The following DOCK3 variants were observed in gnomAD, a reference collection of about 807,000 sequenced individuals.
DOCK3 encodes the protein dedicator of cytokinesis protein 3.
In DOCK3, 60 loss-of-function variants were observed where a neutral mutation model predicts 265.6. The observed-to-expected ratio is 0.23, with a 90% CI of 0.18 to 0.28. The LOEUF is 0.28. Ranked by LOEUF, DOCK3 falls within the 10% of genes least tolerant of loss-of-function variation. The pLI is 1.00. For synonymous variants in DOCK3, 881 were observed against 938.0 expected, an observed-to-expected ratio of 0.94 and a Z score of 1.11; for missense variants, 1,981 against 2,594.3, an observed-to-expected ratio of 0.76 and a Z score of 5.14.
At chr3:50,873,397 G>A (rs1417978288) in intron 3 of DOCK3, among the ~76,000 whole-genome samples, 1 of 152,174 alleles carries the variant, frequency 6.6e-6, no homozygotes, top group Non-Finnish European at 1.5e-5. Context: ...TTATCCTGCT[G>A]TGACTGAGCT....
At chr3:51,341,743 T>G (rs1203927571) in intron 38 of DOCK3, among the ~76,000 whole-genome samples, 1 of 152,238 alleles carries the variant, frequency 6.6e-6, no homozygotes, top group East Asian at 1.9e-4. Flanking sequence ...TCTGCTGCCA[T>G]ATAAAATATG....
At chr3:51,031,938 G>A (rs1459294509) in intron 5 of DOCK3, among the ~76,000 whole-genome samples, 1 of 152,112 alleles carries the variant, frequency 6.6e-6, no homozygotes, top group Non-Finnish European at 1.5e-5. Context: ...GTAGTGTACT[G>A]GTGCCCTGAT....
chr3:51,230,020 C>T (rs1280812148), intron 19 of DOCK3, among the ~76,000 whole-genome samples: 1 of 152,164 alleles, frequency 6.6e-6, no homozygotes, highest in African/African-American at 2.4e-5. Context: ...GCTTAATGTC[C>T]TCCAGTTGTA....
At chr3:50,941,099 G>A (rs2076280816) in intron 5 of DOCK3, among the ~76,000 whole-genome samples, 1 of 152,014 alleles carries the variant, frequency 6.6e-6, no homozygotes, top group African/African-American at 2.4e-5. Context: ...CAAAATTTTT[G>A]TTCTTGAATG....
At chr3:51,016,451 GAT>G (rs1330926929) in intron 5 of DOCK3, among the ~76,000 whole-genome samples, 2 of 66,284 alleles carry the variant, frequency 3.0e-5, no homozygotes, top group South Asian at 4.1e-4. Flanking sequence ...TTCTACATAT[GAT>G]ATATATATCA....
chr3:50,966,201 A>G (rs1476253894), intron 5 of DOCK3, among the ~76,000 whole-genome samples: 1 of 151,960 alleles, frequency 6.6e-6, no homozygotes, highest in African/African-American at 2.4e-5. Context: ...TATTCCACAT[A>G]TTTTCTTTAC....
At chr3:51,103,704 C>T (rs576109306) in intron 9 of DOCK3, among the ~76,000 whole-genome samples, 110 of 152,278 alleles carry the variant, frequency 7.2e-4, no homozygotes, top group African/African-American at 2.6e-3. Context: ...CCTTCAAGGA[C>T]TTAATATAAA....
chr3:50,739,711 A>G (rs1231008412), intron 1 of DOCK3, among the ~76,000 whole-genome samples: 1 of 152,048 alleles, frequency 6.6e-6, no homozygotes, highest in African/African-American at 2.4e-5. Context: ...TGGTTACTGC[A>G]CAGTCCTGGA....
chr3:51,257,841 C>G (rs1296276527), intron 22 of DOCK3, among the ~76,000 whole-genome samples: 4 of 152,210 alleles, frequency 2.6e-5, no homozygotes, highest in African/African-American at 9.6e-5. Flanking sequence ...TTCTATTCCA[C>G]TCCTCTGCCC....
At chr3:50,848,773 A>G (rs2046215087) in intron 3 of DOCK3, among the ~76,000 whole-genome samples, 1 of 151,762 alleles carries the variant, frequency 6.6e-6, no homozygotes, top group Admixed American at 6.6e-5. Context: ...TGCCTTGGTA[A>G]TTTTCATTTT....
At chr3:51,128,248 G>C (rs375934997) in intron 9 of DOCK3, among the ~76,000 whole-genome samples, 2 of 152,142 alleles carry the variant, frequency 1.3e-5, no homozygotes, top group East Asian at 3.9e-4. Context: ...TCTGCCCCTT[G>C]GTTCCTGGAC....
At chr3:51,360,480 T>A in intron 46 of DOCK3, 31 bp from the exon 47 acceptor site, 1 of 1,595,682 alleles carries the variant, frequency 6.3e-7, no homozygotes, top group Non-Finnish European at 8.5e-7. Flanking sequence ...TATTCTTTAC[T>A]CTCTATGAAG....
At chr3:51,124,967 TAAAAA>T (rs35040855) in intron 9 of DOCK3, among the ~76,000 whole-genome samples, 4 of 126,660 alleles carry the variant, frequency 3.2e-5, no homozygotes, top group Non-Finnish European at 3.3e-5. Context: ...CTGTCTCTAC[TAAAAA>T]AAAAAAAAAA....
At position 51,357,775 on chromosome 3, in the gene DOCK3, T is replaced by G. The variant is rs993605494; in HGVS notation, c.4701T>G (p.Asp1567Glu). The change falls in exon 45 of 53, where the codon GAT becomes GAG. Residue 1567 changes from aspartate to glutamate, a missense_variant. Physicochemically the swap from Asp to Glu is conservative, Grantham distance 45. This residue lies in a region of DOCK3 where 1,357 missense variants were observed against 1,866.8 expected (regional missense o/e 0.73). Coordinates refer to ENST00000266037, the MANE Select transcript of DOCK3 (RefSeq NM_004947.5). ...ARYQEAFFDK[D>E]YINKHPGDAE... is the part of the protein sequence containing the mutation. ...TTTCACAGGCCTTCTTTGATAAAGA[T>G]TACATCAACAAGCACCCAGGAGATG... The G allele has an allele frequency of 1.2e-6, 2 of 1,613,846 alleles. No individual in the cohort carries two copies. The highest frequency in any genetic ancestry group is 1.7e-6 in the Non-Finnish European group (2 of 1,179,882).
At position 51,118,798 on chromosome 3, in the gene DOCK3, A is replaced by ATTT. The variant is rs564429211; in HGVS notation, c.747-27742_747-27740dup. The stretch of plus-strand genomic sequence containing the variant: ...TTATCAGAGACTAGGATTACAACCC[A>ATTT]TTTTTTTTTTTGCTTTCCATTTGCT... On this transcript the variant is annotated intron_variant, in intron 9 of 52. Transcript: ENST00000266037. 9.5e-3 allele frequency among the ~76,000 whole-genome samples: 1,363 copies of ATTT among 143,952 alleles called. 25 individuals are homozygous for ATTT. Among genetic ancestry groups the ATTT allele is most frequent in the African/African-American group, 0.031 (1,215 of 39,694 alleles). The allele number at this position is 143,952 out of a possible 152,430, so 94.4% of individuals were successfully genotyped here.
At chr3:51,095,880 T>G (rs1297958339) in intron 9 of DOCK3, among the ~76,000 whole-genome samples, 1 of 31,708 alleles carries the variant, frequency 3.2e-5, no homozygotes, top group Non-Finnish European at 6.5e-5. Flanking sequence ...AAAAAAAGAA[T>G]GTTGACTATT....
At chr3:51,189,093 A>G (rs1023987731) in intron 12 of DOCK3, among the ~76,000 whole-genome samples, 7 of 152,112 alleles carry the variant, frequency 4.6e-5, no homozygotes, top group Non-Finnish European at 2.9e-5. Context: ...CTCTGCATCC[A>G]TGCAAACATC....
intron 12 of DOCK3, among the ~76,000 whole-genome samples, chr3:51,177,285 A>G (rs1189661056): frequency 6.6e-6 from 1 of 152,242 alleles, no homozygotes; most frequent in East Asian, 1.9e-4. Flanking sequence ...GATAGATACC[A>G]TATCACAGGC....
At chr3:51,242,934 A>G (rs9878592) in intron 21 of DOCK3, among the ~76,000 whole-genome samples, 11,772 of 152,208 alleles carry the variant, frequency 0.077, 1,068 homozygotes, top group East Asian at 0.32. Context: ...TGCGTGGCAT[A>G]GGGTCGCACC....
Sources: allele counts gnomAD v4.1 joint callset (sites outside exome capture counted in the v4.1 genomes callset), GRCh38; gene constraint gnomAD v4.1.1; regional missense constraint gnomAD v4.1.1; transcripts MANE v1.5; gene names NCBI Gene and HGNC (gene_info 2026-07-23, HGNC 2026-07-21).